TANGO2: variants seen among roughly 807,000 people sequenced by gnomAD.
TANGO2 encodes transport and Golgi organization protein 2 homolog.
In TANGO2, 26 loss-of-function variants were observed where a neutral mutation model predicts 39.1. The ratio of observed to expected loss-of-function variants is 0.67; its 90% CI spans 0.49 to 0.92. The LOEUF (loss-of-function observed/expected upper bound fraction) is 0.92, where lower values mean the gene tolerates loss of function less well. TANGO2 is among the 40% of genes least tolerant of loss of function. The pLI is 0.00. For synonymous variants in TANGO2, 131 were observed against 144.5 expected, an observed-to-expected ratio of 0.91 and a Z score of 0.67; for missense variants, 326 against 360.1, an observed-to-expected ratio of 0.91 and a Z score of 0.77.
At chr22:20,041,947 C>G (rs12484574) in intron 2 of TANGO2, among the ~76,000 whole-genome samples, 1 of 152,044 alleles carries the variant, frequency 6.6e-6, no homozygotes, top group East Asian at 1.9e-4. Context: ...TTGGAGCTGC[C>G]TCTCCGGCAC....
intron 1 of TANGO2, among the ~76,000 whole-genome samples, chr22:20,029,977 C>T (rs748023729): frequency 9.2e-5 from 14 of 152,100 alleles, no homozygotes; most frequent in Non-Finnish European, 1.9e-4. Context: ...AGCCTCACGA[C>T]GCACATCCTT....
chr22:20,053,805 G>C (rs760291179), intron 5 of TANGO2: 2 of 534,636 alleles, frequency 3.7e-6, no homozygotes, highest in Admixed American at 2.2e-5. Context: ...AGGCTGTGAA[G>C]AACAGTCACA....
intron 5 of TANGO2, chr22:20,053,986 G>T (rs1365711516): frequency 1.8e-5 from 6 of 338,336 alleles, no homozygotes; most frequent in Non-Finnish European, 3.5e-5. Flanking sequence ...CGTGAAGTGA[G>T]CATTCCTCCC....
At chr22:20,041,651 T>G (rs1387599091) in intron 2 of TANGO2, among the ~76,000 whole-genome samples, 5 of 152,118 alleles carry the variant, frequency 3.3e-5, no homozygotes, top group African/African-American at 1.2e-4. Context: ...TTTCACCATC[T>G]TGGCCAGGCT....
At chr22:20,020,688 T>C (rs893103322), upstream of TANGO2, among the ~76,000 whole-genome samples, 2 of 151,112 alleles carry the variant, frequency 1.3e-5, no homozygotes, top group Non-Finnish European at 3.0e-5. Context: ...AGAGGTGGGG[T>C]TGAGTGAACA....
chr22:20,041,663 G>A (rs879494388), intron 2 of TANGO2, among the ~76,000 whole-genome samples: 1 of 152,014 alleles, frequency 6.6e-6, no homozygotes, highest in African/African-American at 2.4e-5. Flanking sequence ...GGCCAGGCTG[G>A]TCTTGAACTC....
rs900153389 is a variant in TANGO2, at chr22:20,065,725, C to T, written c.*1063C>T. 24 of 152,240 alleles carry T rather than the reference C, an allele frequency of 1.6e-4. No individual in the cohort carries two copies. The highest frequency in any genetic ancestry group is 5.8e-4 in the African/African-American group (24 of 41,438). The allele number at this position is 152,240 out of a possible 1,614,324, so 9.4% of individuals were successfully genotyped here. On this transcript the variant is annotated 3_prime_UTR_variant, in exon 9 of 9. Transcript: ENST00000327374. ...TGCCAGAGGTCCTCTGTGTTTGAGA[C>T]AATCCTGTGTGTGCCAGGAGGCTCC...
intron 1 of TANGO2, among the ~76,000 whole-genome samples, chr22:20,023,517 G>A (rs760637818): frequency 3.3e-5 from 5 of 152,148 alleles, no homozygotes; most frequent in South Asian, 4.1e-4. Flanking sequence ...GAAATGCCCC[G>A]GAAGCATTGT....
chr22:20,045,597 G>A (rs1569289756), intron 3 of TANGO2, among the ~76,000 whole-genome samples: 1 of 146,804 alleles, frequency 6.8e-6, no homozygotes, highest in African/African-American at 2.5e-5. Context: ...TCCATCTCCC[G>A]GGTTCAAGCT....
intron 8 of TANGO2, among the ~76,000 whole-genome samples, chr22:20,064,210 G>A (rs554645844): frequency 1.3e-5 from 2 of 152,356 alleles, no homozygotes; most frequent in African/African-American, 4.8e-5. Context: ...TGGGAACCTG[G>A]GCCTCCAAAG....
intron 4 of TANGO2, 39 bp downstream of exon 4, chr22:20,052,623 G>T (rs1436951152): frequency 1.0e-5 from 16 of 1,544,736 alleles, no homozygotes; most frequent in Non-Finnish European, 1.3e-5. Flanking sequence ...AGACAGGGTG[G>T]GGTGGGGCAG....
chr22:20,041,271 G>A (rs906679877), intron 2 of TANGO2, among the ~76,000 whole-genome samples: 2 of 151,802 alleles, frequency 1.3e-5, no homozygotes, highest in Admixed American at 6.6e-5. Flanking sequence ...TCAACCTCTC[G>A]AGCAGCTGGG....
chr22:20,034,903 C>G (rs917017252), intron 1 of TANGO2, among the ~76,000 whole-genome samples: 2 of 152,246 alleles, frequency 1.3e-5, no homozygotes, highest in African/African-American at 2.4e-5. Flanking sequence ...ATGAGCTCAT[C>G]AGCTCCTGGC....
upstream of TANGO2, chr22:20,019,083 C>G (rs1354216968): frequency 6.6e-6 from 1 of 151,188 alleles, no homozygotes; most frequent in Non-Finnish European, 1.5e-5. Flanking sequence ...GACTCCATCT[C>G]AAAAAAAAGG....
chr22:20,049,427 G>A (rs1028018237), intron 3 of TANGO2, among the ~76,000 whole-genome samples: 3 of 152,142 alleles, frequency 2.0e-5, no homozygotes, highest in Non-Finnish European at 2.9e-5. Flanking sequence ...TTGGGAGACC[G>A]AGGTGGGCAG....
upstream of TANGO2, among the ~76,000 whole-genome samples, chr22:20,020,910 G>C (rs959052837): frequency 1.3e-5 from 2 of 152,126 alleles, no homozygotes; most frequent in Non-Finnish European, 2.9e-5. Flanking sequence ...TCAGACGCCC[G>C]CGCAGCCCGA....
intron 2 of TANGO2, among the ~76,000 whole-genome samples, chr22:20,042,912 A>G (rs1253117187): frequency 6.6e-6 from 1 of 152,170 alleles, no homozygotes; most frequent in Non-Finnish European, 1.5e-5. Context: ...AGAGGCCCAC[A>G]TGCTGTGCCA....
chr22:20,025,788 A>T (rs918520781), intron 1 of TANGO2, among the ~76,000 whole-genome samples: 6 of 152,298 alleles, frequency 3.9e-5, no homozygotes, highest in Middle Eastern at 6.8e-3. Context: ...AGTGCCTGGC[A>T]TGGTGAGCAG....
rs981576739 is a variant in TANGO2 at position 20,057,386 on chromosome 22, A to G, written c.451+1373A>G. Among the ~76,000 whole-genome samples the G allele has an allele frequency of 6.6e-6, 1 of 152,150 alleles. No homozygotes were observed. Among genetic ancestry groups the G allele is most frequent in the African/African-American group, 2.4e-5 (1 of 41,420 alleles). On this transcript the variant is annotated intron_variant, in intron 6 of 8. Transcript: ENST00000327374. The surrounding 1 kb of genome is among the most constrained non-coding windows in gnomAD (Gnocchi z 4.1). ...AACCCCTGGGCTAGTTGGGATCTCC[A>G]GAGGAGGCATCTGCCTGGAGGGTGG...
Sources: allele counts gnomAD v4.1 joint callset (sites outside exome capture counted in the v4.1 genomes callset), GRCh38; gene constraint gnomAD v4.1.1; non-coding constraint Gnocchi (gnomAD v3.1); transcripts MANE v1.5; gene names NCBI Gene and HGNC (gene_info 2026-07-23, HGNC 2026-07-21).